CHCHD6: variants seen among roughly 807,000 people sequenced by gnomAD.
The protein encoded by CHCHD6 is coiled-coil-helix-coiled-coil-helix domain containing 6, also known as MICOS complex subunit MIC25.
CHCHD6 carries 28 observed loss-of-function variants against 32.3 expected under a neutral mutation model. That is an observed-to-expected ratio of 0.87 (90% CI 0.64 to 1.19). The LOEUF is 1.19. CHCHD6 is among the 50% of genes most tolerant of loss of function. The pLI, the probability that CHCHD6 is intolerant of heterozygous loss-of-function variation, is 0.00. For synonymous variants in CHCHD6, 122 were observed against 117.5 expected, an observed-to-expected ratio of 1.04 and a Z score of -0.25; for missense variants, 333 against 307.0, an observed-to-expected ratio of 1.08 and a Z score of -0.63.
chr3:126,951,985 A>G (rs1189591624), intron 6 of CHCHD6, among the ~76,000 whole-genome samples: 2 of 152,222 alleles, frequency 1.3e-5, no homozygotes, highest in African/African-American at 4.8e-5. Context: ...GTTTTAAGGA[A>G]AAACAGAGCT....
At chr3:126,858,399 A>G (rs1437351869) in intron 5 of CHCHD6, among the ~76,000 whole-genome samples, 3 of 152,120 alleles carry the variant, frequency 2.0e-5, no homozygotes, top group Non-Finnish European at 4.4e-5. Flanking sequence ...CTGTGCTCTC[A>G]GGAAAGAGTC....
chr3:126,764,802 G>A (rs1039401957), intron 4 of CHCHD6, among the ~76,000 whole-genome samples: 1 of 152,238 alleles, frequency 6.6e-6, no homozygotes, highest in Non-Finnish European at 1.5e-5. Flanking sequence ...TTGAGTTAGA[G>A]ATGGTGGTTT....
chr3:126,812,329 T>C (rs76008326), intron 4 of CHCHD6, among the ~76,000 whole-genome samples: 1 of 151,190 alleles, frequency 6.6e-6, no homozygotes, highest in Admixed American at 6.6e-5. Context: ...TTTTTTTTTT[T>C]TGGCATGATG....
At chr3:126,874,844 C>T (rs757754862) in intron 5 of CHCHD6, among the ~76,000 whole-genome samples, 8 of 152,300 alleles carry the variant, frequency 5.3e-5, no homozygotes, top group Middle Eastern at 3.4e-3. Context: ...CTGTCCTTCA[C>T]GGTCCTGGGT....
chr3:126,831,267 C>T (rs1308918483), intron 4 of CHCHD6, among the ~76,000 whole-genome samples: 2 of 151,976 alleles, frequency 1.3e-5, no homozygotes, highest in Admixed American at 6.6e-5. Flanking sequence ...CCTCTTGATC[C>T]GCCCACCTCG....
intron 4 of CHCHD6, among the ~76,000 whole-genome samples, chr3:126,761,639 C>G (rs1393564186): frequency 2.0e-5 from 3 of 152,016 alleles, no homozygotes; most frequent in African/African-American, 4.8e-5. Flanking sequence ...GTTGACCAGT[C>G]TGGTCTCAAA....
At chr3:126,932,078 TTATC>T (rs1332115154) in intron 6 of CHCHD6, among the ~76,000 whole-genome samples, 7 of 152,196 alleles carry the variant, frequency 4.6e-5, no homozygotes, top group South Asian at 2.1e-4. Context: ...AGGCGGATGT[TTATC>T]TAAGAGCACG....
At chr3:126,850,278 C>G (rs1052040531) in intron 4 of CHCHD6, among the ~76,000 whole-genome samples, 1 of 152,218 alleles carries the variant, frequency 6.6e-6, no homozygotes, top group African/African-American at 2.4e-5. Flanking sequence ...AAGTGGGAGG[C>G]ACAGCCTCAT....
intron 5 of CHCHD6, among the ~76,000 whole-genome samples, chr3:126,860,765 G>A (rs1941832385): frequency 6.6e-6 from 1 of 152,178 alleles, no homozygotes; most frequent in Non-Finnish European, 1.5e-5. Context: ...CTTAGAGATT[G>A]ACGACTGCCT....
At chr3:126,940,019 C>A (rs865871088) in intron 6 of CHCHD6, among the ~76,000 whole-genome samples, 1 of 152,146 alleles carries the variant, frequency 6.6e-6, no homozygotes, top group Admixed American at 6.5e-5. Context: ...TTAGTGTCCA[C>A]ACATTCTCTG....
chr3:126,924,185 G>A (rs771649803), intron 6 of CHCHD6, among the ~76,000 whole-genome samples: 1 of 152,194 alleles, frequency 6.6e-6, no homozygotes, highest in Non-Finnish European at 1.5e-5. Context: ...GGGAAAAAGC[G>A]ATTTGTAGTT....
intron 4 of CHCHD6, among the ~76,000 whole-genome samples, chr3:126,822,422 A>G (rs1487631551): frequency 6.6e-6 from 1 of 152,214 alleles, no homozygotes; most frequent in Non-Finnish European, 1.5e-5. Context: ...ATTCCAGTCC[A>G]TGTATCTCTA....
intron 1 of CHCHD6, among the ~76,000 whole-genome samples, chr3:126,723,459 A>C (rs979529505): frequency 6.6e-6 from 1 of 152,182 alleles, no homozygotes; most frequent in Non-Finnish European, 1.5e-5. Context: ...TGCAGTTCAC[A>C]CTTGCGGATA....
At chr3:126,940,901 T>G (rs982900486) in intron 6 of CHCHD6, among the ~76,000 whole-genome samples, 2 of 152,244 alleles carry the variant, frequency 1.3e-5, no homozygotes, top group Non-Finnish European at 2.9e-5. Context: ...TTTCTCCTTA[T>G]TATTCATTTT....
intron 4 of CHCHD6, among the ~76,000 whole-genome samples, chr3:126,782,754 A>G (rs556960008): frequency 1.3e-5 from 2 of 152,318 alleles, no homozygotes; most frequent in Admixed American, 1.3e-4. Flanking sequence ...CACCCTTGGC[A>G]GTGGAGGGTG....
At chr3:126,898,215 C>T (rs2077868882) in intron 5 of CHCHD6, among the ~76,000 whole-genome samples, 1 of 152,248 alleles carries the variant, frequency 6.6e-6, no homozygotes, top group Non-Finnish European at 1.5e-5. Flanking sequence ...ACGAGGTCCC[C>T]CTGCTCTTCC....
intron 5 of CHCHD6, among the ~76,000 whole-genome samples, chr3:126,882,003 C>T (rs762754718): frequency 3.7e-4 from 57 of 152,174 alleles, no homozygotes; most frequent in African/African-American, 1.3e-3. Context: ...TTCCAAAGGA[C>T]GGCCCAGGAG....
intron 5 of CHCHD6, among the ~76,000 whole-genome samples, chr3:126,878,781 G>A (rs1342391024): frequency 2.6e-5 from 4 of 152,206 alleles, no homozygotes. Context: ...ATGTATTATA[G>A]CAGGGAAGGG....
chr3:126,723,235 A>G (rs1935389884), intron 1 of CHCHD6, among the ~76,000 whole-genome samples: 1 of 152,184 alleles, frequency 6.6e-6, no homozygotes, highest in Middle Eastern at 3.4e-3. Context: ...GGACTCTATT[A>G]TTATTATTAT....
Sources: allele counts gnomAD v4.1 joint callset (sites outside exome capture counted in the v4.1 genomes callset), GRCh38; gene constraint gnomAD v4.1.1; transcripts MANE v1.5; gene names NCBI Gene and HGNC (gene_info 2026-07-23, HGNC 2026-07-21).